The following COL22A1 variants were observed in gnomAD, a reference collection of about 807,000 sequenced individuals.
COL22A1 encodes collagen type XXII alpha 1 chain, also known as collagen alpha-1(XXII) chain.
Under a neutral mutation model 248.9 loss-of-function variants are expected in COL22A1, and 221 were observed. The ratio of observed to expected loss-of-function variants is 0.89; its 90% CI spans 0.80 to 0.99. The LOEUF is 0.99. COL22A1 is among the 50% of genes least tolerant of loss of function. COL22A1 has a pLI of 0.00. For missense variants in COL22A1, 2,240 were observed against 2,179.0 expected (o/e 1.03, Z -0.56); for synonymous variants, 891 against 793.4 (o/e 1.12, Z -2.07).
chr8:138,716,187 C>A, intron 29 of COL22A1, 40 bp downstream of exon 29: 3 of 1,508,086 alleles, frequency 2.0e-6, no homozygotes, highest in East Asian at 2.4e-5. Context: ...TGGAGATGGG[C>A]GAGGTTCCTG....
rs139816222 is a variant in COL22A1 at position 138,613,867 on chromosome 8, C to T, written c.3978G>A (p.Pro1326=). Residue 1326 remains proline, a splice_region_variant and synonymous_variant, in exon 56 of 65, where the codon CCG becomes CCA. Coordinates refer to ENST00000303045, the MANE Select transcript of COL22A1 (RefSeq NM_152888.3). ...ACATTAGTCGCAAAGCAAAACTCAC[C>T]GGTGGGCCCCTTGGTCCTTGGGGAC... ...PQGPQGPRGP[P]GKNGSPGSPG... 23 of 1,613,548 alleles carry T rather than the reference C, an allele frequency of 1.4e-5. No homozygotes were observed. The South Asian group carries it at 1.8e-4, about 12-fold the overall frequency.
chr8:138,864,969 A>G (rs1390514189), intron 3 of COL22A1, among the ~76,000 whole-genome samples: 1 of 152,224 alleles, frequency 6.6e-6, no homozygotes, highest in African/African-American at 2.4e-5. Flanking sequence ...GGCAGTGCCA[A>G]TGAGCTCCTC....
rs1228536990 is a variant in COL22A1, at chr8:138,593,644, G to GTTCCAATT, written c.4615+365_4615+372dup. Among the ~76,000 whole-genome samples, 5 of 152,060 alleles carry GTTCCAATT rather than the reference G, an allele frequency of 3.3e-5. No homozygotes were observed. The East Asian group carries it at 9.7e-4, about 29-fold the overall frequency. ...GACCTGGGCAGTTAACAGCTGTTTT[G>GTTCCAATT]TTCCAATTTTAAGGCTGGCATTTAA... is the stretch of plus-strand genomic sequence containing the variant. On this transcript the variant is annotated intron_variant, in intron 63 of 64. Transcript: ENST00000303045.
At chr8:138,903,005 C>T (rs184978423) in intron 1 of COL22A1, among the ~76,000 whole-genome samples, 186 of 152,198 alleles carry the variant, frequency 1.2e-3, no homozygotes, top group African/African-American at 3.5e-3. Context: ...ATCAGACTGG[C>T]GGGGCTAACA....
At chr8:138,686,371 G>A (rs928247329) in intron 37 of COL22A1, among the ~76,000 whole-genome samples, 5 of 152,178 alleles carry the variant, frequency 3.3e-5, no homozygotes, top group South Asian at 2.1e-4. Flanking sequence ...CGAACCAGAC[G>A]GACTCCTTTC....
intron 3 of COL22A1, among the ~76,000 whole-genome samples, chr8:138,850,293 G>T (rs1252383919): frequency 6.6e-6 from 1 of 152,220 alleles, no homozygotes. Flanking sequence ...AGGAGAGAGG[G>T]CATGGTCAGA....
At chr8:138,744,106 A>C (rs1831919651) in intron 22 of COL22A1, among the ~76,000 whole-genome samples, 1 of 152,240 alleles carries the variant, frequency 6.6e-6, no homozygotes. Context: ...TCATGCCATG[A>C]AATGAATCAA....
At chr8:138,624,107 T>C (rs1315933122) in intron 51 of COL22A1, among the ~76,000 whole-genome samples, 1 of 152,132 alleles carries the variant, frequency 6.6e-6, no homozygotes, top group Non-Finnish European at 1.5e-5. Context: ...GTTTAGAACA[T>C]GAGAGCCTGG....
intron 31 of COL22A1, among the ~76,000 whole-genome samples, chr8:138,700,750 C>A (rs1320557952): frequency 6.6e-6 from 1 of 152,136 alleles, no homozygotes; most frequent in Non-Finnish European, 1.5e-5. Flanking sequence ...TTTGGGAGGC[C>A]AAGGCGGGCG....
chr8:138,814,220 G>A (rs142972128), intron 7 of COL22A1, among the ~76,000 whole-genome samples: 62 of 152,338 alleles, frequency 4.1e-4, no homozygotes, highest in African/African-American at 1.4e-3. Context: ...GCTTTAGCAC[G>A]TGGTACCTCT....
chr8:138,913,335 C>A (rs1317975), intron 1 of COL22A1, among the ~76,000 whole-genome samples: 1 of 152,160 alleles, frequency 6.6e-6, no homozygotes, highest in Non-Finnish European at 1.5e-5. Flanking sequence ...CTGAGCTCCT[C>A]GCTGCTCAGC....
chr8:138,860,700 C>T (rs367781873), intron 3 of COL22A1, among the ~76,000 whole-genome samples: 77 of 152,154 alleles, frequency 5.1e-4, no homozygotes, highest in African/African-American at 1.0e-3. Context: ...CCCAGCTATT[C>T]GGGAGGCTGA....
At chr8:138,709,663 G>A (rs1828785192) in intron 30 of COL22A1, among the ~76,000 whole-genome samples, 2 of 150,414 alleles carry the variant, frequency 1.3e-5, no homozygotes, top group African/African-American at 2.4e-5. Flanking sequence ...GGAAGTGATA[G>A]CATTAGGAGA....
At chr8:138,606,608 C>G (rs536777872) in intron 57 of COL22A1, among the ~76,000 whole-genome samples, 156 bp from the exon 58 acceptor site, 1 of 152,082 alleles carries the variant, frequency 6.6e-6, no homozygotes, top group South Asian at 2.1e-4. Flanking sequence ...GGAAAAGACA[C>G]GGGGTCTTGG....
chr8:138,760,293 GGAAA>G lies in COL22A1; in HGVS notation c.1858-10_1858-7del, dbSNP rs1302699499. 3 of 1,598,680 alleles carry G rather than the reference GGAAA, an allele frequency of 1.9e-6. No homozygotes were observed. The African/African-American group carries it at 4.0e-5, about 22-fold the overall frequency. On this transcript the variant is annotated splice_region_variant and splice_polypyrimidine_tract_variant and intron_variant, in intron 17 of 64. Coordinates refer to ENST00000303045, the MANE Select transcript of COL22A1 (RefSeq NM_152888.3). Reference sequence around the variant, plus strand: ...CCAGAAGGGCCGGGCCTGCCCTGGAGGAAAGAAAGAAAAGGCAGATTATGATGGG... The same window carrying G: ...CCAGAAGGGCCGGGCCTGCCCTGGAGGAAAGAAAAGGCAGATTATGATGGG...
At chr8:138,804,649 C>T (rs543902940) in intron 10 of COL22A1, among the ~76,000 whole-genome samples, 1 of 152,308 alleles carries the variant, frequency 6.6e-6, no homozygotes, top group African/African-American at 2.4e-5. Context: ...CGCTCTCCAT[C>T]AGCACAAAGA....
chr8:138,696,741 G>A (rs1456196739), intron 32 of COL22A1, among the ~76,000 whole-genome samples: 1 of 152,214 alleles, frequency 6.6e-6, no homozygotes, highest in African/African-American at 2.4e-5. Context: ...GTGTTTCACA[G>A]TGACCAATAC....
chr8:138,773,708 G>A (rs553323853), intron 16 of COL22A1, among the ~76,000 whole-genome samples: 1 of 152,284 alleles, frequency 6.6e-6, no homozygotes, highest in South Asian at 2.1e-4. Context: ...GCACTCTGTG[G>A]GTGCTGAGGG....
At chr8:138,652,075 A>C (rs1822788426) in intron 45 of COL22A1, among the ~76,000 whole-genome samples, 1 of 152,212 alleles carries the variant, frequency 6.6e-6, no homozygotes, top group East Asian at 1.9e-4. Flanking sequence ...AGATCACCCC[A>C]ATCTGCAGTC....
Sources: allele counts gnomAD v4.1 joint callset (sites outside exome capture counted in the v4.1 genomes callset), GRCh38; gene constraint gnomAD v4.1.1; transcripts MANE v1.5; gene names NCBI Gene and HGNC (gene_info 2026-07-23, HGNC 2026-07-21).